GRAMD2B: variants seen among roughly 807,000 people sequenced by gnomAD.
GRAMD2B encodes the protein GRAM domain containing 2B, also known as GRAM domain-containing protein 2B.
A neutral mutation model predicts 59.2 loss-of-function variants in GRAMD2B; 41 were observed. The ratio of observed to expected loss-of-function variants is 0.69; its 90% CI spans 0.54 to 0.90. The LOEUF is 0.90. Among genes scored for constraint, GRAMD2B ranks in the 40% least tolerant of loss-of-function variants. The pLI, the probability that GRAMD2B is intolerant of heterozygous loss-of-function variation, is 0.00. For missense variants in GRAMD2B, 424 were observed against 500.5 expected, an observed-to-expected ratio of 0.85 and a Z score of 1.46; for synonymous variants, 161 against 182.7, an observed-to-expected ratio of 0.88 and a Z score of 0.96.
intron 1 of GRAMD2B, among the ~76,000 whole-genome samples, chr5:126,442,379 C>T (rs1244034372): frequency 1.3e-5 from 2 of 151,418 alleles, no homozygotes; most frequent in Non-Finnish European, 2.9e-5. Flanking sequence ...CAACCTCTGC[C>T]TCTCAGGTTC....
chr5:126,441,883 G>A (rs1763356799), intron 1 of GRAMD2B, among the ~76,000 whole-genome samples: 1 of 151,990 alleles, frequency 6.6e-6, no homozygotes, highest in African/African-American at 2.4e-5. Flanking sequence ...ACCTTAGATG[G>A]TCATAGGATT....
chr5:126,405,714 T>A (rs1758207441), intron 1 of GRAMD2B, among the ~76,000 whole-genome samples: 1 of 151,744 alleles, frequency 6.6e-6, no homozygotes. Context: ...TCTAGAAATT[T>A]CTAAGTTGCC....
At position 126,475,216 on chromosome 5, in the gene GRAMD2B, G is replaced by A. The variant is rs370129705; in HGVS notation, c.486+1848G>A. Among the ~76,000 whole-genome samples the A allele has an allele frequency of 3.3e-5, 5 of 152,310 alleles. No homozygotes were observed. The South Asian group carries it at 8.3e-4, about 25-fold the overall frequency. On this transcript the variant is annotated intron_variant, in intron 5 of 13. Transcript: ENST00000285689. Reference sequence around the variant, plus strand: ...AGATGCCAGTAAAATTAACATGCATGTATCACATTCTGTCTAAGCTCAAAC... The same window carrying A: ...AGATGCCAGTAAAATTAACATGCATATATCACATTCTGTCTAAGCTCAAAC...
intron 1 of GRAMD2B, among the ~76,000 whole-genome samples, chr5:126,442,123 A>T (rs1450302559): frequency 6.6e-6 from 1 of 151,076 alleles, no homozygotes; most frequent in Admixed American, 6.6e-5. Flanking sequence ...TATCCCACTG[A>T]ATACTAGATA....
chr5:126,395,780 G>T (rs561102788), intron 1 of GRAMD2B, among the ~76,000 whole-genome samples: 1 of 152,154 alleles, frequency 6.6e-6, no homozygotes, highest in East Asian at 1.9e-4. Context: ...GTGTGTGCGC[G>T]CATGCACATG....
chr5:126,487,783 T>A (rs759422565), intron 12 of GRAMD2B, among the ~76,000 whole-genome samples: 1 of 152,190 alleles, frequency 6.6e-6, no homozygotes, highest in Non-Finnish European at 1.5e-5. Flanking sequence ...CTCAGAGTAA[T>A]AATTAGTTTA....
At chr5:126,380,240 T>A (rs187258713) in intron 1 of GRAMD2B, among the ~76,000 whole-genome samples, 51 of 151,832 alleles carry the variant, frequency 3.4e-4, no homozygotes, top group Admixed American at 9.2e-4. Context: ...TATTTCTGCA[T>A]TTTTTATTCT....
intron 8 of GRAMD2B, 79 bp downstream of exon 8, chr5:126,480,786 C>A: frequency 1.5e-6 from 2 of 1,326,598 alleles, no homozygotes; most frequent in Admixed American, 1.7e-5. Context: ...ACACCATGAC[C>A]AGGGTGTGGG....
At chr5:126,448,745 G>A (rs562005390) in intron 1 of GRAMD2B, among the ~76,000 whole-genome samples, 22 of 152,306 alleles carry the variant, frequency 1.4e-4, no homozygotes, top group Non-Finnish European at 2.9e-4. Context: ...GTGTCTGACC[G>A]GGCTTGGAAA....
At chr5:126,361,056 T>A (rs1395861598) in intron 1 of GRAMD2B, among the ~76,000 whole-genome samples, 1 of 152,244 alleles carries the variant, frequency 6.6e-6, no homozygotes, top group Non-Finnish European at 1.5e-5. Context: ...CTTTAAATTT[T>A]GTACAACTGC....
chr5:126,437,198 AGCAGGAATTAGCTG>A (rs1281929240), intron 1 of GRAMD2B, among the ~76,000 whole-genome samples: 1 of 152,222 alleles, frequency 6.6e-6, no homozygotes, highest in African/African-American at 2.4e-5. Context: ...CAAAGCAGGA[AGCAGGAATTAGCTG>A]GCTGTAAAAC....
chr5:126,423,956 A>C (rs1327264637), intron 1 of GRAMD2B, among the ~76,000 whole-genome samples: 1 of 152,244 alleles, frequency 6.6e-6, no homozygotes, highest in Non-Finnish European at 1.5e-5. Flanking sequence ...ATAATTTTGT[A>C]GAAAATAAGC....
intron 13 of GRAMD2B, 69 bp from the exon 14 acceptor site, chr5:126,492,846 T>G: frequency 9.8e-7 from 1 of 1,017,144 alleles, no homozygotes. Context: ...CTATATAGAC[T>G]ATAACAAATA....
chr5:126,379,063 C>A (rs1755442010), intron 1 of GRAMD2B, among the ~76,000 whole-genome samples: 1 of 151,970 alleles, frequency 6.6e-6, no homozygotes, highest in Non-Finnish European at 1.5e-5. Flanking sequence ...CCCCCTCCCA[C>A]CCTTTCCCCC....
exon 1 of GRAMD2B, chr5:126,360,372 T>G: frequency 6.4e-7 from 1 of 1,551,382 alleles, no homozygotes; most frequent in Non-Finnish European, 8.7e-7. Context: ...AAAAGGAGCA[T>G]TCAGCAAACA....
chr5:126,388,912 TTACTATTAGGCTGATGGGCA>T (rs1756444645), intron 1 of GRAMD2B, among the ~76,000 whole-genome samples: 1 of 151,986 alleles, frequency 6.6e-6, no homozygotes, highest in Admixed American at 6.6e-5. Flanking sequence ...GGTACAATAT[TTACTATTAGGCTGATGGGCA>T]TACCAGAAGC....
intron 1 of GRAMD2B, among the ~76,000 whole-genome samples, chr5:126,381,684 C>T (rs1224470344): frequency 6.6e-6 from 1 of 152,162 alleles, no homozygotes. Flanking sequence ...AGGCCATTTA[C>T]ATTCAACATT....
At chr5:126,402,269 G>T (rs1561482600) in intron 1 of GRAMD2B, among the ~76,000 whole-genome samples, 1 of 152,060 alleles carries the variant, frequency 6.6e-6, no homozygotes, top group Non-Finnish European at 1.5e-5. Context: ...AAGGAAAAGT[G>T]GAAGAATTTT....
intron 1 of GRAMD2B, among the ~76,000 whole-genome samples, chr5:126,453,725 A>C (rs1765776514): frequency 6.6e-6 from 1 of 152,232 alleles, no homozygotes; most frequent in Non-Finnish European, 1.5e-5. Context: ...CTAACTAATA[A>C]TCAGTTTGAA....
Sources: allele counts gnomAD v4.1 joint callset (sites outside exome capture counted in the v4.1 genomes callset), GRCh38; gene constraint gnomAD v4.1.1; transcripts MANE v1.5; gene names NCBI Gene and HGNC (gene_info 2026-07-23, HGNC 2026-07-21).